FMR1NB: variants seen among roughly 807,000 people sequenced by gnomAD.
The protein encoded by FMR1NB is FMR1 neighbor protein.
A neutral mutation model predicts 16.8 loss-of-function variants in FMR1NB; 10 were observed. The ratio of observed to expected loss-of-function variants is 0.60; its 90% CI spans 0.37 to 1.01. The LOEUF (loss-of-function observed/expected upper bound fraction) is 1.01. Among genes scored for constraint, FMR1NB ranks in the 50% least tolerant of loss-of-function variants. The probability of loss-of-function intolerance (pLI) is 0.01; values close to 1 mark genes in which losing one functional copy is unlikely to be tolerated. For synonymous variants in FMR1NB, 83 were observed against 79.1 expected, an observed-to-expected ratio of 1.05 and a Z score of -0.26; for missense variants, 205 against 204.8, an observed-to-expected ratio of 1.00 and a Z score of 0.00.
chrX:148,018,459 C>T (rs2044661776), intron 4 of FMR1NB, among the ~76,000 whole-genome samples: 2 of 111,908 alleles, frequency 1.8e-5, no homozygotes, highest in Non-Finnish European at 3.8e-5. Flanking sequence ...CAGCATGGTA[C>T]TGGTATCAAA....
intron 4 of FMR1NB, among the ~76,000 whole-genome samples, chrX:148,014,181 A>G (rs954031746): frequency 1.3e-4 from 15 of 111,218 alleles, no homozygotes; most frequent in African/African-American, 3.9e-4. Context: ...TAGGAGAGAC[A>G]CCATCTGAGA....
chrX:147,983,672 T>C (rs910552331), intron 1 of FMR1NB, among the ~76,000 whole-genome samples: 2 of 112,270 alleles, frequency 1.8e-5, no homozygotes. Flanking sequence ...TTCCTCCCAT[T>C]CTGTGGGTAG....
chrX:148,013,337 C>A (rs932557501), intron 4 of FMR1NB, among the ~76,000 whole-genome samples: 3 of 111,300 alleles, frequency 2.7e-5, no homozygotes, highest in Non-Finnish European at 5.7e-5. Flanking sequence ...TTAATTTGAT[C>A]TTTTTGTCAC....
intron 1 of FMR1NB, 121 bp downstream of exon 1, chrX:147,981,800 C>T: frequency 6.0e-6 from 5 of 830,902 alleles, no homozygotes; most frequent in Non-Finnish European, 8.3e-6. Context: ...TTCCTGTCCT[C>T]TCTCCTCCCA....
chrX:147,993,371 G>T (rs1419086494), intron 1 of FMR1NB, among the ~76,000 whole-genome samples: 8 of 108,477 alleles, frequency 7.4e-5, no homozygotes, highest in Non-Finnish European at 1.2e-4. Context: ...GTCCAGCTTC[G>T]GTTCCGCATG....
chrX:148,010,070 G>A (rs1415804704), intron 4 of FMR1NB, among the ~76,000 whole-genome samples: 1 of 109,597 alleles, frequency 9.1e-6, no homozygotes, highest in Non-Finnish European at 1.9e-5. Flanking sequence ...CCTCTGCAAA[G>A]GAATTTTATG....
At chrX:148,018,810 C>G (rs782810780) in intron 4 of FMR1NB, among the ~76,000 whole-genome samples, 2 of 111,677 alleles carry the variant, frequency 1.8e-5, no homozygotes, top group African/African-American at 6.5e-5. Flanking sequence ...CAACAAAAGA[C>G]AAAATTGACA....
chrX:147,986,067 C>T (rs1247141088), intron 1 of FMR1NB, among the ~76,000 whole-genome samples: 11 of 112,405 alleles, frequency 9.8e-5, no homozygotes, highest in Middle Eastern at 9.3e-3. Flanking sequence ...CTCTAATGAC[C>T]AGTGATGATG....
chrX:147,992,731 C>G (rs1276034928), intron 1 of FMR1NB, among the ~76,000 whole-genome samples: 2 of 69,652 alleles, frequency 2.9e-5, no homozygotes, highest in Admixed American at 1.5e-4. Context: ...CTCCTCACCT[C>G]CCAGACAGGG....
chrX:148,024,491 T>A (rs1020377481), intron 4 of FMR1NB, among the ~76,000 whole-genome samples: 2 of 108,573 alleles, frequency 1.8e-5, no homozygotes, highest in African/African-American at 3.4e-5. Context: ...CTGTGTAGAT[T>A]TGAAGTTCAT....
intron 1 of FMR1NB, among the ~76,000 whole-genome samples, chrX:147,987,573 T>A (rs1194591854): frequency 9.0e-6 from 1 of 111,540 alleles, no homozygotes; most frequent in Non-Finnish European, 1.9e-5. Flanking sequence ...AGAGCTGAGT[T>A]CAAGTCCTGA....
At chrX:147,984,595 C>T (rs782547250) in intron 1 of FMR1NB, among the ~76,000 whole-genome samples, 1 of 112,072 alleles carries the variant, frequency 8.9e-6, no homozygotes, top group African/African-American at 3.2e-5. Context: ...AATTTATTAG[C>T]TCTAGTAAGA....
At chrX:148,022,536 G>C (rs1557190678) in intron 4 of FMR1NB, among the ~76,000 whole-genome samples, 1 of 111,990 alleles carries the variant, frequency 8.9e-6, no homozygotes, top group African/African-American at 3.2e-5. Context: ...GCAAGAAATT[G>C]ACCTTTTCCG....
intron 1 of FMR1NB, among the ~76,000 whole-genome samples, chrX:147,993,162 TC>T (rs1187810600): frequency 9.4e-6 from 1 of 106,138 alleles, no homozygotes; most frequent in East Asian, 3.0e-4. Context: ...CGTCTGCAAT[TC>T]CGGCACCTCG....
At chrX:148,004,861 T>C (rs1185262070) in intron 2 of FMR1NB, among the ~76,000 whole-genome samples, 2 of 112,707 alleles carry the variant, frequency 1.8e-5, no homozygotes, top group African/African-American at 6.4e-5. Flanking sequence ...AAATTACCAA[T>C]GCCTCTTAGT....
chrX:147,985,812 A>G (rs1269002005), intron 1 of FMR1NB, among the ~76,000 whole-genome samples: 2 of 112,318 alleles, frequency 1.8e-5, no homozygotes, highest in South Asian at 7.4e-4. Flanking sequence ...AGAATGACTT[A>G]TAATCCTTTG....
intron 1 of FMR1NB, among the ~76,000 whole-genome samples, chrX:147,997,962 T>C (rs1308271848): frequency 8.9e-6 from 1 of 112,474 alleles, no homozygotes; most frequent in South Asian, 3.7e-4. Context: ...CAACAGATGA[T>C]GGAGAGGATG....
At chrX:147,988,313 C>T (rs781875813) in intron 1 of FMR1NB, among the ~76,000 whole-genome samples, 57 of 105,865 alleles carry the variant, frequency 5.4e-4, no homozygotes, top group Non-Finnish European at 1.1e-3. Context: ...AAATTCTTTT[C>T]TTTAAGAATA....
chrX:148,025,280 C>A (rs907101276), intron 5 of FMR1NB, among the ~76,000 whole-genome samples: 10 of 111,157 alleles, frequency 9.0e-5, no homozygotes, highest in Middle Eastern at 4.2e-3. Context: ...AGAAGTTGAT[C>A]CTGCCCACTC....
Sources: allele counts gnomAD v4.1 joint callset (sites outside exome capture counted in the v4.1 genomes callset), GRCh38; gene constraint gnomAD v4.1.1; transcripts MANE v1.5; gene names NCBI Gene and HGNC (gene_info 2026-07-23, HGNC 2026-07-21).